Variants in SAXO1 observed in about 807,000 individuals in gnomAD.
SAXO1 encodes 4930500O09Rik.
Under a neutral mutation model 17.5 loss-of-function variants are expected in SAXO1, and 21 were observed. The ratio of observed to expected loss-of-function variants is 1.20; its 90% CI spans 0.85 to 1.72. SAXO1 has a LOEUF of 1.72. Among genes scored for constraint, SAXO1 ranks in the 40% most tolerant of loss-of-function variants. SAXO1 has a pLI of 0.00. For synonymous variants in SAXO1, 274 were observed against 216.5 expected, an observed-to-expected ratio of 1.27 and a Z score of -2.33; for missense variants, 843 against 596.0, an observed-to-expected ratio of 1.41 and a Z score of -4.32.
intron 1 of SAXO1, among the ~76,000 whole-genome samples, chr9:18,956,805 C>A (rs1200397978): frequency 6.6e-6 from 1 of 152,218 alleles, no homozygotes; most frequent in Admixed American, 6.5e-5. Flanking sequence ...CTACGCACAA[C>A]ACGGGCTAAG....
intron 3 of SAXO1, 23 bp downstream of exon 3, chr9:18,941,614 T>A: frequency 6.2e-7 from 1 of 1,613,434 alleles, no homozygotes; most frequent in East Asian, 2.2e-5. Context: ...TTTCCCCCAA[T>A]CTGCCCCTCT....
intron 1 of SAXO1, among the ~76,000 whole-genome samples, chr9:18,985,451 G>C (rs1195636837): frequency 6.6e-6 from 1 of 152,202 alleles, no homozygotes; most frequent in Non-Finnish European, 1.5e-5. Flanking sequence ...AAGCACAGTA[G>C]AACAAGGTAT....
chr9:19,000,035 C>T (rs1325033502), intron 1 of SAXO1, among the ~76,000 whole-genome samples: 2 of 145,692 alleles, frequency 1.4e-5, no homozygotes, highest in Non-Finnish European at 3.0e-5. Context: ...AAGTGAGGAG[C>T]GCCTCTGCCC....
At chr9:18,971,963 G>C (rs958600019) in intron 1 of SAXO1, among the ~76,000 whole-genome samples, 5 of 152,046 alleles carry the variant, frequency 3.3e-5, no homozygotes, top group African/African-American at 4.8e-5. Context: ...GCCAGGTTTT[G>C]CTTTTGTTAC....
chr9:19,009,083 C>T (rs1342880812), intron 1 of SAXO1, among the ~76,000 whole-genome samples: 1 of 151,970 alleles, frequency 6.6e-6, no homozygotes, highest in African/African-American at 2.4e-5. Flanking sequence ...TAATCAGTAC[C>T]CCCACACAGC....
chr9:18,965,323 CTT>C (rs1247577782), intron 1 of SAXO1, among the ~76,000 whole-genome samples: 2 of 151,338 alleles, frequency 1.3e-5, no homozygotes, highest in African/African-American at 4.8e-5. Flanking sequence ...TTAATTTTGT[CTT>C]GTTGACCTAA....
chr9:18,967,442 G>T (rs1832763263), intron 1 of SAXO1, among the ~76,000 whole-genome samples: 1 of 152,208 alleles, frequency 6.6e-6, no homozygotes, highest in Admixed American at 6.5e-5. Flanking sequence ...GAGATGCCCT[G>T]CCCAGAGAGG....
chr9:19,048,373 C>T (rs989304226), intron 1 of SAXO1, among the ~76,000 whole-genome samples: 49 of 152,192 alleles, frequency 3.2e-4, no homozygotes, highest in Non-Finnish European at 2.2e-4. Context: ...AGGAGAATCG[C>T]TTGAACTCAG....
At chr9:19,012,424 C>A (rs545200940) in intron 1 of SAXO1, among the ~76,000 whole-genome samples, 227 of 152,348 alleles carry the variant, frequency 1.5e-3, no homozygotes, top group Non-Finnish European at 2.6e-3. Context: ...TAATAGACAA[C>A]TGTAAATAGG....
At chr9:19,023,048 G>C (rs932518499) in intron 1 of SAXO1, among the ~76,000 whole-genome samples, 1 of 152,132 alleles carries the variant, frequency 6.6e-6, no homozygotes, top group Non-Finnish European at 1.5e-5. Context: ...AGAAAGGGCA[G>C]AGAGCCTCCC....
Position 18,941,553 on chromosome 9 carries a change from G to A in SAXO1, c.421+84C>T, listed in dbSNP as rs141730562. On this transcript the variant is annotated intron_variant, in intron 3 of 3. Transcript: ENST00000380534. ...TAGTCTGCCAACTCTTGCACTAACT[G>A]AGTATGCACATAAAACACATTTCCT... is the stretch of plus-strand genomic sequence containing the variant. The A allele has an allele frequency of 7.4e-4, 1,113 of 1,498,690 alleles. 14 individuals are homozygous for A. The African/African-American group carries it at 0.012, about 17-fold the overall frequency. 92.8% of individuals were successfully genotyped at this position (1,498,690 alleles called of 1,614,324 possible).
rs560616854 is a variant in SAXO1, at chr9:19,003,948, T to TGAAC, written c.38+28922_38+28923insGTTC. Among the ~76,000 whole-genome samples the TGAAC allele has an allele frequency of 3.0e-3, 461 of 152,070 alleles. 8 individuals carry two copies. The South Asian group carries it at 0.045, about 15-fold the overall frequency. On this transcript the variant is annotated intron_variant, in intron 1 of 3. Coordinates refer to ENST00000380534, the MANE Select transcript of SAXO1 (RefSeq NM_153707.4). ...AAAGCAAAAGAAACTACCATCACAG[T>TGAAC]TGGCAACCCACAGAATGGGAGAAAA...
At chr9:18,978,749 A>G (rs1471716481) in intron 1 of SAXO1, among the ~76,000 whole-genome samples, 1 of 152,242 alleles carries the variant, frequency 6.6e-6, no homozygotes, top group African/African-American at 2.4e-5. Context: ...GGAAGATATT[A>G]TCAACAGTTT....
chr9:18,987,935 T>C (rs1833662456), intron 1 of SAXO1, among the ~76,000 whole-genome samples: 1 of 128,364 alleles, frequency 7.8e-6, no homozygotes, highest in South Asian at 2.6e-4. Flanking sequence ...GAAAACCAGC[T>C]CTTCCTCTCT....
chr9:19,009,310 C>A (rs67844957), intron 1 of SAXO1, among the ~76,000 whole-genome samples: 11,091 of 152,138 alleles, frequency 0.073, 508 homozygotes, highest in African/African-American at 0.12. Flanking sequence ...AACTAAGTCA[C>A]CCCAACCATC....
chr9:19,027,510 G>A lies in SAXO1; in HGVS notation c.38+5361C>T, dbSNP rs572349907. On this transcript the variant is annotated intron_variant, in intron 1 of 3. Coordinates refer to ENST00000380534, the MANE Select transcript of SAXO1 (RefSeq NM_153707.4). Reference sequence around the variant, plus strand: ...TGCGGATCCAACATCCAAAAGGGGTGCTGGCCCCCAGGGACGGAGAAGACC... The same window carrying A: ...TGCGGATCCAACATCCAAAAGGGGTACTGGCCCCCAGGGACGGAGAAGACC... The A allele has an allele frequency of 9.6e-5, 85 of 887,622 alleles. 1 individual carries two copies. Among genetic ancestry groups the A allele is most frequent in the Non-Finnish European group, 1.6e-4 (81 of 519,720 alleles). 55.0% of individuals were successfully genotyped at this position (887,622 alleles called of 1,614,324 possible). A position where few individuals can be genotyped will look rare whatever the true frequency, so the allele number is the denominator to read the frequency against.
intron 1 of SAXO1, among the ~76,000 whole-genome samples, chr9:18,961,847 T>C (rs2131760126): frequency 6.6e-6 from 1 of 152,352 alleles, no homozygotes; most frequent in Middle Eastern, 3.4e-3. Context: ...CCTTTGGTTA[T>C]ATACCCAGTA....
At chr9:19,016,042 A>T (rs1213238301) in intron 1 of SAXO1, among the ~76,000 whole-genome samples, 1 of 152,186 alleles carries the variant, frequency 6.6e-6, no homozygotes, top group Non-Finnish European at 1.5e-5. Context: ...AGACATTCAC[A>T]TGCAGGGGAA....
chr9:19,027,226 C>CA (rs1563990557), intron 1 of SAXO1: 2 of 1,161,572 alleles, frequency 1.7e-6, no homozygotes, highest in African/African-American at 3.0e-5. Context: ...AAAACCTCTA[C>CA]ACGACAGACA....
Sources: gnomAD v4.1 joint callset for allele counts (sites outside exome capture counted in the v4.1 genomes callset) on GRCh38, gnomAD v4.1.1 for gene constraint, MANE v1.5 for transcripts, NCBI Gene and HGNC (gene_info 2026-07-23, HGNC 2026-07-21) for gene names.